SNX19: variants seen among roughly 807,000 people sequenced by gnomAD.
SNX19 encodes the protein sorting nexin-19.
In SNX19, 60 loss-of-function variants were observed where a neutral mutation model predicts 85.2. The ratio of observed to expected loss-of-function variants is 0.70; its 90% CI spans 0.57 to 0.87. The LOEUF (loss-of-function observed/expected upper bound fraction) is 0.87, where lower values mean the gene tolerates loss of function less well. Ranked by LOEUF, SNX19 falls within the 40% of genes least tolerant of loss-of-function variation. The pLI, the probability that SNX19 is intolerant of heterozygous loss-of-function variation, is 0.00. For synonymous variants in SNX19, 520 were observed against 470.0 expected (o/e 1.11, Z -1.38); for missense variants, 1,201 against 1,217.8 (o/e 0.99, Z 0.21).
At chr11:130,881,460 A>C (rs893581989) in intron 8 of SNX19, among the ~76,000 whole-genome samples, 17 of 152,220 alleles carry the variant, frequency 1.1e-4, no homozygotes, top group Admixed American at 6.5e-4. Context: ...CTCCTCTGGC[A>C]AGGCTGCACC....
intron 1 of SNX19, among the ~76,000 whole-genome samples, chr11:130,913,943 A>T (rs1345073508): frequency 1.3e-5 from 2 of 152,132 alleles, no homozygotes; most frequent in East Asian, 3.8e-4. Context: ...AGAAATTCTC[A>T]TACAGAATCC....
chr11:130,908,216 A>T, intron 4 of SNX19, 133 bp from the exon 5 acceptor site: 1 of 966,334 alleles, frequency 1.0e-6, no homozygotes, highest in Non-Finnish European at 1.5e-6. Flanking sequence ...AGCCTTATCC[A>T]GTAGGAAGGT....
intron 8 of SNX19, among the ~76,000 whole-genome samples, chr11:130,881,758 C>A (rs1460107871): frequency 6.6e-6 from 1 of 152,242 alleles, no homozygotes; most frequent in African/African-American, 2.4e-5. Context: ...TCCATGAAAT[C>A]CTTGACCATC....
At position 130,915,168 on chromosome 11, in the gene SNX19, C is replaced by T; in HGVS notation, c.772G>A (p.Asp258Asn). The T allele has an allele frequency of 6.2e-7, 1 of 1,614,198 alleles. No homozygotes were observed. The highest frequency in any genetic ancestry group is 8.5e-7 in the Non-Finnish European group (1 of 1,180,048). Residue 258 changes from aspartate to asparagine, a missense_variant, in exon 1 of 11, where the codon GAC (aspartate) becomes AAC (asparagine). Physicochemically the swap from Asp to Asn is conservative, Grantham distance 23. Coordinates refer to ENST00000265909, the MANE Select transcript of SNX19 (RefSeq NM_014758.3). ...CCCACGAGTACAAGGTGGATCCAGT[C>T]AGGATCTGACAGCCTGCTGATCAGT... Reference protein sequence around the residue: ...LPLISRLSDPDWIHLVLVGIF... With the variant: ...LPLISRLSDPNWIHLVLVGIF...
At position 130,874,189 on chromosome 11, in the gene SNX19, A is replaced by AT. The variant is rs1023470836; in HGVS notation, c.*4232dup. 8.6e-5 allele frequency among the ~76,000 whole-genome samples: 13 copies of AT among 151,948 alleles called. No homozygotes were observed. Among genetic ancestry groups the AT allele is most frequent in the East Asian group, 3.9e-4 (2 of 5,182 alleles). ...AGGCGAGAGCCACCATGCCCCGCTC[A>AT]TTTTTTATATTTTTTGTAGAGACAG... On this transcript the variant is annotated 3_prime_UTR_variant, in exon 11 of 11. Transcript: ENST00000265909.
Position 130,915,944 on chromosome 11 carries a change from G to C in SNX19, c.-5C>G, listed in dbSNP as rs1946559050. 4 of 1,611,098 alleles carry C rather than the reference G, an allele frequency of 2.5e-6. No individual in the cohort carries two copies. Among genetic ancestry groups the C allele is most frequent in the Non-Finnish European group, 3.4e-6 (4 of 1,178,230 alleles). ...TGGCACTGTTTCTGTCTTCATGGCT[G>C]AACGGACAAGGTGGCTTCCCCAGAT... On this transcript the variant is annotated 5_prime_UTR_variant, in exon 1 of 11. Coordinates refer to ENST00000265909, the MANE Select transcript of SNX19 (RefSeq NM_014758.3).
intron 2 of SNX19, chr11:130,911,432 G>A (rs143502906): frequency 7.2e-7 from 1 of 1,384,642 alleles, no homozygotes; most frequent in African/African-American, 1.5e-5. Flanking sequence ...GAACAAAGCA[G>A]TTGGCAGTAA....
chr11:130,886,199 T>C (rs925867489), intron 8 of SNX19, among the ~76,000 whole-genome samples: 1 of 152,210 alleles, frequency 6.6e-6, no homozygotes, highest in Admixed American at 6.5e-5. Flanking sequence ...GGGCTGGACA[T>C]CATTAGAGGT....
intron 8 of SNX19, among the ~76,000 whole-genome samples, chr11:130,896,305 T>G (rs2135350024): frequency 6.6e-6 from 1 of 152,374 alleles, no homozygotes; most frequent in African/African-American, 2.4e-5. Flanking sequence ...ACTCTGAGTC[T>G]TAACGTTGAT....
intron 8 of SNX19, among the ~76,000 whole-genome samples, chr11:130,892,075 C>T (rs921414300): frequency 6.6e-6 from 1 of 151,200 alleles, no homozygotes; most frequent in Non-Finnish European, 1.5e-5. Flanking sequence ...AACTCCTGAC[C>T]TCAAATGATC....
Position 130,903,324 on chromosome 11 carries a change from T to C in SNX19, c.2504A>G (p.Gln835Arg). 1 of 1,613,808 alleles carries C rather than the reference T, an allele frequency of 6.2e-7. No homozygotes were observed. The highest frequency in any genetic ancestry group is 8.5e-7 in the Non-Finnish European group (1 of 1,179,940). ...GTTTTCGGTACATAGCCATTTCCAC[T>C]GTTCTGTTAGTAGCAAGAGGAGCAG... The part of the protein sequence containing the change: ...LDLLLLLLTE[Q>R]WKWLCTENMQ... The change falls in exon 8 of 11, where the codon CAG becomes CGG. Residue 835 changes from glutamine (Q) to arginine (R), a missense_variant. This residue lies in a region of SNX19 where 285 missense variants were observed against 295.3 expected (regional missense o/e 0.97). Transcript: ENST00000265909.
chr11:130,874,540 G>A lies in SNX19; in HGVS notation c.*3882C>T, dbSNP rs1943147832. Among the ~76,000 whole-genome samples, 1 of 152,194 alleles carries A rather than the reference G, an allele frequency of 6.6e-6. No individual in the cohort carries two copies. Among genetic ancestry groups the A allele is most frequent in the African/African-American group, 2.4e-5 (1 of 41,444 alleles). On this transcript the variant is annotated 3_prime_UTR_variant, in exon 11 of 11. Coordinates refer to ENST00000265909, the MANE Select transcript of SNX19 (RefSeq NM_014758.3). ...TTCAGGCCCCTTAAGAGGTCTCAGA[G>A]TTGCTGAATCACCAAACTCCTGGGC...
intron 8 of SNX19, among the ~76,000 whole-genome samples, chr11:130,889,310 T>C (rs73581745): frequency 0.11 from 16,631 of 152,128 alleles, 3,028 homozygotes; most frequent in African/African-American, 0.38. Flanking sequence ...TGACTCTTTT[T>C]CTTCCTCATT....
At position 130,878,447 on chromosome 11, in the gene SNX19, G is replaced by C; in HGVS notation, c.2954C>G (p.Ser985Cys). Residue 985 changes from serine to cysteine, a missense_variant, in exon 11 of 11, where the codon TCT becomes TGT. Physicochemically the swap from Ser to Cys is moderately radical, Grantham distance 112. Transcript: ENST00000265909. The stretch of plus-strand genomic sequence containing the variant: ...CTAAGAGGAGACACCCATCCTCTTA[G>C]AGTTGCCTGGGGTATCTGAGGCAGA... ...TTSASDTPGN[S>C]KRMGVSS 1.2e-6 allele frequency: 2 copies of C among 1,613,942 alleles called. No individual in the cohort carries two copies. Among genetic ancestry groups the C allele is most frequent in the Non-Finnish European group, 1.7e-6 (2 of 1,179,884 alleles).
intron 5 of SNX19, 44 bp from the exon 6 acceptor site, chr11:130,906,765 C>T: frequency 1.5e-6 from 2 of 1,366,930 alleles, no homozygotes; most frequent in South Asian, 2.3e-5. Context: ...AATTTATGGC[C>T]TTGAGCCTCA....
Position 130,870,391 on chromosome 11 carries a change from T to A in SNX19, c.*8031A>T, listed in dbSNP as rs1412270155. 6.6e-6 allele frequency: 1 copy of A among 152,262 alleles called. No homozygotes were observed. The allele number at this position is 152,262 out of a possible 1,614,324, so 9.4% of individuals were successfully genotyped here. A position where few individuals can be genotyped will look rare whatever the true frequency, so the allele number is the denominator to read the frequency against. On this transcript the variant is annotated 3_prime_UTR_variant, in exon 11 of 11. Coordinates refer to ENST00000265909, the MANE Select transcript of SNX19 (RefSeq NM_014758.3). ...TATGCCATCCGCAAACCCACATGGG[T>A]GCAGGGTGCACACCTGAACAGGGGG...
At position 130,874,628 on chromosome 11, in the gene SNX19, C is replaced by T. The variant is rs555008711; in HGVS notation, c.*3794G>A. Among the ~76,000 whole-genome samples the T allele has an allele frequency of 1.3e-5, 2 of 152,300 alleles. No individual in the cohort carries two copies. The highest frequency in any genetic ancestry group is 3.9e-4 in the East Asian group (2 of 5,182). On this transcript the variant is annotated 3_prime_UTR_variant, in exon 11 of 11. Transcript: ENST00000265909. Reference sequence around the variant, plus strand: ...ATTTTCCTCATAATTTAATTCTTGTCCAGAGCATCCTGATTCATATAGCCA... The same window carrying T: ...ATTTTCCTCATAATTTAATTCTTGTTCAGAGCATCCTGATTCATATAGCCA...
intron 4 of SNX19, 138 bp from the exon 5 acceptor site, chr11:130,908,221 G>T: frequency 1.1e-6 from 1 of 909,566 alleles, no homozygotes; most frequent in Non-Finnish European, 1.6e-6. Flanking sequence ...TATCCAGTAG[G>T]AAGGTCGAAT....
rs1442074917 is a variant in SNX19 at position 130,879,642 on chromosome 11, T to C, written c.2828A>G (p.Gln943Arg). Residue 943 changes from glutamine (Q) to arginine (R), a missense_variant, in exon 10 of 11, where the codon CAA (glutamine) becomes CGA (arginine). Transcript: ENST00000265909. ...CACTTACCTGTTGATGAGGGGTTGT[T>C]GTAGTGACTCCAGGACTAGACCCCA... ...LSWGLVLESLQQPLINRHLIY... is the reference protein window; with the variant it reads ...LSWGLVLESLRQPLINRHLIY... The C allele has an allele frequency of 1.9e-6, 3 of 1,613,840 alleles. No individual in the cohort carries two copies. The highest frequency in any genetic ancestry group is 2.5e-6 in the Non-Finnish European group (3 of 1,179,910).
Sources: allele counts gnomAD v4.1 joint callset (sites outside exome capture counted in the v4.1 genomes callset), GRCh38; gene constraint gnomAD v4.1.1; regional missense constraint gnomAD v4.1.1; transcripts MANE v1.5; gene names NCBI Gene and HGNC (gene_info 2026-07-23, HGNC 2026-07-21).